ELF1: variants seen among roughly 807,000 people sequenced by gnomAD.
ELF1 encodes ETS-related transcription factor Elf-1.
ELF1 carries 24 observed loss-of-function variants against 59.9 expected under a neutral mutation model. The ratio of observed to expected loss-of-function variants is 0.40; its 90% confidence interval spans 0.29 to 0.56. The LOEUF (loss-of-function observed/expected upper bound fraction) is 0.56, where lower values mean the gene tolerates loss of function less well. Among genes scored for constraint, ELF1 ranks in the 20% least tolerant of loss-of-function variants. The pLI, the probability that ELF1 is intolerant of heterozygous loss-of-function variation, is 0.44. For missense variants in ELF1, 627 were observed against 742.2 expected, an observed-to-expected ratio of 0.84 and a Z score of 1.80; for synonymous variants, 248 against 266.2, an observed-to-expected ratio of 0.93 and a Z score of 0.67.
At chr13:41,053,446 A>G (rs1214650652) in intron 1 of ELF1, among the ~76,000 whole-genome samples, 1 of 152,184 alleles carries the variant, frequency 6.6e-6, no homozygotes, top group Non-Finnish European at 1.5e-5. Flanking sequence ...CCAGGTCTCT[A>G]TGGTGAAGTA....
intron 1 of ELF1, among the ~76,000 whole-genome samples, chr13:41,035,269 T>C (rs1269785095): frequency 6.6e-6 from 1 of 152,236 alleles, no homozygotes; most frequent in African/African-American, 2.4e-5. Context: ...GAACATTACA[T>C]TCCGTATCAT....
chr13:40,962,906 GA>G (rs1477053416), intron 2 of ELF1, among the ~76,000 whole-genome samples: 3 of 152,086 alleles, frequency 2.0e-5, no homozygotes, highest in Non-Finnish European at 4.4e-5. Flanking sequence ...TGAATTCATG[GA>G]TTCTACTGTC....
At chr13:40,989,994 A>G (rs550523411) in intron 1 of ELF1, among the ~76,000 whole-genome samples, 2 of 150,922 alleles carry the variant, frequency 1.3e-5, no homozygotes, top group African/African-American at 4.9e-5. Flanking sequence ...TTTATTGTCC[A>G]CTAATAAACA....
chr13:41,028,279 C>A (rs935654269), intron 1 of ELF1, among the ~76,000 whole-genome samples: 2 of 152,198 alleles, frequency 1.3e-5, no homozygotes, highest in African/African-American at 4.8e-5. Flanking sequence ...GGACTACTAA[C>A]TCACAGTGCA....
At chr13:41,005,944 G>A (rs1874729503) in intron 1 of ELF1, among the ~76,000 whole-genome samples, 1 of 152,090 alleles carries the variant, frequency 6.6e-6, no homozygotes, top group Non-Finnish European at 1.5e-5. Flanking sequence ...GCTATAATAA[G>A]CATAAGTTGC....
intron 3 of ELF1, among the ~76,000 whole-genome samples, chr13:40,957,938 G>C (rs886075117): frequency 2.0e-5 from 3 of 152,188 alleles, no homozygotes; most frequent in African/African-American, 7.2e-5. Context: ...CTAAGGCATT[G>C]TGCTACATGC....
Position 40,949,848 on chromosome 13 carries a change from A to T in ELF1, c.487T>A (p.Ser163Thr). ...TQQVQEKYADSPGASSPEQPK... is the reference protein window; with the variant it reads ...TQQVQEKYADTPGASSPEQPK... ...TGTTCTGGTGATGAGGCTCCCGGTG[A>T]GTCTGCATATTTTTCTTGCACCTGC... Residue 163 changes from serine (S) to threonine (T), a missense_variant, in exon 5 of 9, where the codon TCA becomes ACA. This residue lies in a region of ELF1 where 232 missense variants were observed against 269.2 expected (regional missense o/e 0.86). Transcript: ENST00000239882. 2 of 1,614,056 alleles carry T rather than the reference A, an allele frequency of 1.2e-6. No homozygotes were observed. The highest frequency in any genetic ancestry group is 1.3e-5 in the African/African-American group (1 of 75,002).
rs545065855 is a variant in ELF1 at position 41,016,867 on chromosome 13, T to C, written c.-229+2361A>G. Among the ~76,000 whole-genome samples the C allele has an allele frequency of 3.2e-5, 4 of 126,022 alleles. No individual in the cohort carries two copies. The East Asian group carries it at 7.5e-4, about 24-fold the overall frequency. The allele number at this position is 126,022 out of a possible 152,430, so 82.7% of individuals were successfully genotyped here. ...AGACGGAAGTTGCAGTGAGCCGAGATTGCACCATTGCACTCCAGCATGGGC... is the reference window on the plus strand; with the variant it reads ...AGACGGAAGTTGCAGTGAGCCGAGACTGCACCATTGCACTCCAGCATGGGC... On this transcript the variant is annotated intron_variant, in intron 1 of 8. Transcript: ENST00000239882.
At chr13:41,001,938 CT>C (rs1874472198) in intron 1 of ELF1, among the ~76,000 whole-genome samples, 1 of 152,176 alleles carries the variant, frequency 6.6e-6, no homozygotes, top group African/African-American at 2.4e-5. Context: ...AAAGAAACTT[CT>C]GTCTCTCTCG....
At chr13:40,998,998 C>CA (rs1278606492) in intron 1 of ELF1, among the ~76,000 whole-genome samples, 1 of 151,910 alleles carries the variant, frequency 6.6e-6, no homozygotes, top group Admixed American at 6.6e-5. Context: ...CAAAAACAAA[C>CA]AAAAAAAGAA....
At chr13:41,006,078 G>T (rs2138348935) in intron 1 of ELF1, among the ~76,000 whole-genome samples, 1 of 152,260 alleles carries the variant, frequency 6.6e-6, no homozygotes, top group Non-Finnish European at 1.5e-5. Flanking sequence ...TTCCTAAAGA[G>T]AACTTAACAT....
intron 1 of ELF1, among the ~76,000 whole-genome samples, chr13:41,059,558 C>T (rs2063770752): frequency 6.6e-6 from 1 of 152,218 alleles, no homozygotes; most frequent in African/African-American, 2.4e-5. Flanking sequence ...AAAACATCTG[C>T]TTTCAGTAAT....
chr13:40,988,769 A>C (rs1348112550), intron 1 of ELF1, among the ~76,000 whole-genome samples: 3 of 152,178 alleles, frequency 2.0e-5, no homozygotes, highest in Admixed American at 1.3e-4. Context: ...AAAATACTTC[A>C]AAATAGATTT....
Position 40,993,245 on chromosome 13 carries a change from AG to A in ELF1, c.-228-10964del, listed in dbSNP as rs1873957731. 3.2e-6 allele frequency: 5 copies of A among 1,580,800 alleles called. No individual in the cohort carries two copies. In the South Asian group the frequency reaches 5.5e-5, roughly 17 times the overall value. ...CAGCTGCAACAACAGCACCAACAAA[AG>A]CAACAGATGTTGTTGGGCCTCTGGT... On this transcript the variant is annotated intron_variant, in intron 1 of 8. Coordinates refer to ENST00000239882, the MANE Select transcript of ELF1 (RefSeq NM_172373.4).
intron 2 of ELF1, among the ~76,000 whole-genome samples, chr13:40,973,818 A>G (rs1456192462): frequency 6.6e-6 from 1 of 152,214 alleles, no homozygotes; most frequent in Non-Finnish European, 1.5e-5. Flanking sequence ...ATATGATACA[A>G]TATTATTCAG....
chr13:40,941,856 G>A (rs1270105478), intron 7 of ELF1, among the ~76,000 whole-genome samples: 1 of 152,002 alleles, frequency 6.6e-6, no homozygotes, highest in Admixed American at 6.6e-5. Context: ...ACTGGGTTTT[G>A]CCATGTTGCC....
At chr13:40,964,365 A>G (rs1566173960) in intron 2 of ELF1, among the ~76,000 whole-genome samples, 1 of 152,202 alleles carries the variant, frequency 6.6e-6, no homozygotes. Context: ...CTGGAGGCTA[A>G]AAGTCTGAAA....
At chr13:41,042,074 G>T (rs1327433564) in intron 1 of ELF1, among the ~76,000 whole-genome samples, 2 of 152,112 alleles carry the variant, frequency 1.3e-5, no homozygotes, top group East Asian at 3.9e-4. Context: ...ACAGGCTGGA[G>T]TGCAGTGGCA....
chr13:41,005,469 A>C (rs1874691933), intron 1 of ELF1, among the ~76,000 whole-genome samples: 1 of 150,860 alleles, frequency 6.6e-6, no homozygotes, highest in Non-Finnish European at 1.5e-5. Context: ...AAAAAAAAAA[A>C]ACCTACCACA....
Sources: gnomAD v4.1 joint callset for allele counts (sites outside exome capture counted in the v4.1 genomes callset) on GRCh38, gnomAD v4.1.1 for gene constraint, gnomAD v4.1.1 regional missense constraint, MANE v1.5 for transcripts, NCBI Gene and HGNC (gene_info 2026-07-23, HGNC 2026-07-21) for gene names.